The following HS6ST3 variants were observed in gnomAD, a reference collection of about 807,000 sequenced individuals.
HS6ST3 encodes the protein heparan sulfate 6-O-sulfotransferase 3, also known as heparan-sulfate 6-O-sulfotransferase 3.
A neutral mutation model predicts 36.7 loss-of-function variants in HS6ST3; 12 were observed. That is an observed-to-expected ratio of 0.33 (90% CI 0.21 to 0.53). The LOEUF (loss-of-function observed/expected upper bound fraction) is 0.53, where lower values mean the gene tolerates loss of function less well. Ranked by LOEUF, HS6ST3 falls within the 20% of genes least tolerant of loss-of-function variation. The probability of loss-of-function intolerance (pLI) is 0.95; values close to 1 mark genes in which losing one functional copy is unlikely to be tolerated. For missense variants in HS6ST3, 584 were observed against 640.9 expected (o/e 0.91, Z 0.96); for synonymous variants, 240 against 257.5 (o/e 0.93, Z 0.65).
chr13:96,114,173 A>G (rs2053883254), intron 1 of HS6ST3, among the ~76,000 whole-genome samples: 2 of 151,208 alleles, frequency 1.3e-5, no homozygotes, highest in South Asian at 4.2e-4. Flanking sequence ...TTTTCTAGTG[A>G]CAGGATCAGT....
chr13:96,350,501 A>G (rs1219681904), intron 1 of HS6ST3, among the ~76,000 whole-genome samples: 2 of 152,244 alleles, frequency 1.3e-5, no homozygotes, highest in Non-Finnish European at 1.5e-5. Context: ...TAGCATTTAT[A>G]TGCAAGATAT....
chr13:96,808,906 A>G (rs1348682634), intron 1 of HS6ST3, among the ~76,000 whole-genome samples: 2 of 152,186 alleles, frequency 1.3e-5, no homozygotes, highest in Non-Finnish European at 2.9e-5. Flanking sequence ...CTTGGGAATT[A>G]AAGAGGAGGA....
chr13:96,410,252 A>G (rs1334524929), intron 1 of HS6ST3, among the ~76,000 whole-genome samples: 1 of 152,186 alleles, frequency 6.6e-6, no homozygotes, highest in African/African-American at 2.4e-5. Context: ...GATCCATGAT[A>G]TAATGTTACA....
In HS6ST3 at chr13:96,330,338, G is replaced by C. The variant is rs1317278179; in HGVS notation, c.707+238769G>C. On this transcript the variant is annotated intron_variant, in intron 1 of 1. Transcript: ENST00000376705. ...GCCGGTACCGGTTGTTCCTTTCCAT[G>C]TTTAGCGCTTCCTTCAGGAGCTCTT... is the stretch of plus-strand genomic sequence containing the variant. 2.4e-4 allele frequency among the ~76,000 whole-genome samples: 37 copies of C among 151,550 alleles called. 1 individual carries two copies. Among genetic ancestry groups the C allele is most frequent in the Admixed American group, 2.4e-3 (37 of 15,212 alleles).
At chr13:96,548,421 A>T (rs866148384) in intron 1 of HS6ST3, among the ~76,000 whole-genome samples, 16 of 152,174 alleles carry the variant, frequency 1.1e-4, no homozygotes, top group African/African-American at 4.8e-5. Flanking sequence ...AAACTGGCTT[A>T]TGCATTGTCA....
chr13:96,295,360 T>G (rs1273112840), intron 1 of HS6ST3, among the ~76,000 whole-genome samples: 1 of 151,952 alleles, frequency 6.6e-6, no homozygotes, highest in African/African-American at 2.4e-5. Context: ...TTTCTTGTTG[T>G]TTTTTTTCCA....
At chr13:96,419,592 A>G (rs759884162) in intron 1 of HS6ST3, among the ~76,000 whole-genome samples, 3 of 152,222 alleles carry the variant, frequency 2.0e-5, no homozygotes, top group Non-Finnish European at 4.4e-5. Flanking sequence ...AAGTACCACA[A>G]ACTGGGTGGC....
intron 1 of HS6ST3, among the ~76,000 whole-genome samples, chr13:96,561,255 G>A (rs537013848): frequency 7.9e-5 from 12 of 152,112 alleles, no homozygotes; most frequent in South Asian, 2.1e-4. Context: ...TCTGATCTTC[G>A]GTAAAGTCCA....
At chr13:96,650,324 G>A (rs1000497201) in intron 1 of HS6ST3, among the ~76,000 whole-genome samples, 1 of 151,944 alleles carries the variant, frequency 6.6e-6, no homozygotes, top group African/African-American at 2.4e-5. Flanking sequence ...GCTGTGACTG[G>A]CACTAGCAGA....
chr13:96,626,714 T>C lies in HS6ST3; in HGVS notation c.708-205776T>C, dbSNP rs534082936. On this transcript the variant is annotated intron_variant, in intron 1 of 1. Coordinates refer to ENST00000376705, the MANE Select transcript of HS6ST3 (RefSeq NM_153456.4). ...CATGAACTTGACATTTCTATCAAAT[T>C]TTTGTTTTTTTGTAGACTTTACTGT... 2.6e-5 allele frequency among the ~76,000 whole-genome samples: 4 copies of C among 152,262 alleles called. No homozygotes were observed. In the East Asian group the frequency reaches 7.7e-4, roughly 29 times the overall value.
At chr13:96,605,518 C>A (rs2056435599) in intron 1 of HS6ST3, among the ~76,000 whole-genome samples, 3 of 152,066 alleles carry the variant, frequency 2.0e-5, no homozygotes, top group Non-Finnish European at 2.9e-5. Flanking sequence ...TTGGTCCCCA[C>A]ACATTGTTCA....
chr13:96,132,374 A>G (rs912584363), intron 1 of HS6ST3, among the ~76,000 whole-genome samples: 25 of 151,850 alleles, frequency 1.6e-4, no homozygotes, highest in Non-Finnish European at 1.3e-4. Context: ...AGGAACCTCC[A>G]TACTGTTTTC....
intron 1 of HS6ST3, among the ~76,000 whole-genome samples, chr13:96,582,517 G>A (rs1326450237): frequency 2.0e-5 from 3 of 152,170 alleles, no homozygotes; most frequent in African/African-American, 7.2e-5. Flanking sequence ...GGAAAGTTGA[G>A]GACTTACGGG....
Position 96,834,255 on chromosome 13 carries a change from A to G in HS6ST3, c.*1057A>G, listed in dbSNP as rs1321556340. ...CTAGCATGTATACAAAATATATTTGAGGTTACTAAATGAATAAAAACTCGG... is the reference window on the plus strand; with the variant it reads ...CTAGCATGTATACAAAATATATTTGGGGTTACTAAATGAATAAAAACTCGG... On this transcript the variant is annotated 3_prime_UTR_variant, in exon 2 of 2. Coordinates refer to ENST00000376705, the MANE Select transcript of HS6ST3 (RefSeq NM_153456.4). 6.6e-6 allele frequency: 1 copy of G among 152,220 alleles called. No homozygotes were observed. The highest frequency in any genetic ancestry group is 1.9e-4 in the East Asian group (1 of 5,198). 9.4% of individuals were successfully genotyped at this position (152,220 alleles called of 1,614,324 possible).
At chr13:96,125,980 A>G (rs2053948847) in intron 1 of HS6ST3, among the ~76,000 whole-genome samples, 1 of 151,974 alleles carries the variant, frequency 6.6e-6, no homozygotes, top group Admixed American at 6.6e-5. Flanking sequence ...CCTTCCTATA[A>G]TTGACTCTTG....
chr13:96,090,949 C>G lies in HS6ST3; in HGVS notation c.87C>G (p.Ser29=). ...VVIMYQYVSP[S]CTSSCTNFGE... is the part of the protein sequence containing the mutation. ...TCATGTACCAGTACGTGTCCCCCTC[C>G]TGCACCAGCTCCTGCACCAACTTCG... The change falls in exon 1 of 2, where the codon TCC becomes TCG. Residue 29 remains serine (S), a synonymous_variant. Coordinates refer to ENST00000376705, the MANE Select transcript of HS6ST3 (RefSeq NM_153456.4). 1.4e-6 allele frequency: 2 copies of G among 1,462,974 alleles called. No homozygotes were observed. The highest frequency in any genetic ancestry group is 1.8e-6 in the Non-Finnish European group (2 of 1,098,366). The allele number at this position is 1,462,974 out of a possible 1,614,324, so 90.6% of individuals were successfully genotyped here. A position where few individuals can be genotyped will look rare whatever the true frequency, so the allele number is the denominator to read the frequency against.
chr13:96,602,668 T>G (rs976558747), intron 1 of HS6ST3, among the ~76,000 whole-genome samples: 30 of 152,168 alleles, frequency 2.0e-4, no homozygotes, highest in African/African-American at 7.0e-4. Context: ...GGCTCAGAGA[T>G]CAAGTTCGCC....
intron 1 of HS6ST3, among the ~76,000 whole-genome samples, chr13:96,814,831 C>G (rs1878387686): frequency 6.6e-6 from 1 of 151,884 alleles, no homozygotes; most frequent in African/African-American, 2.4e-5. Context: ...CTTTTTTTCT[C>G]CTGTTCTGTT....
intron 1 of HS6ST3, among the ~76,000 whole-genome samples, chr13:96,145,973 G>A (rs1312375367): frequency 2.6e-5 from 4 of 152,076 alleles, no homozygotes; most frequent in Non-Finnish European, 5.9e-5. Flanking sequence ...TAGATACGTG[G>A]CATTATTTCT....
Sources: allele counts gnomAD v4.1 joint callset (sites outside exome capture counted in the v4.1 genomes callset), GRCh38; gene constraint gnomAD v4.1.1; transcripts MANE v1.5; gene names NCBI Gene and HGNC (gene_info 2026-07-23, HGNC 2026-07-21).